Variants in FBXL2 observed in about 807,000 individuals in gnomAD.
FBXL2 encodes F-box/LRR-repeat protein 2.
In FBXL2, 38 loss-of-function variants were observed where a neutral mutation model predicts 69.2. The ratio of observed to expected loss-of-function variants is 0.55; its 90% CI spans 0.42 to 0.72. The LOEUF (loss-of-function observed/expected upper bound fraction) is 0.72, where lower values mean the gene tolerates loss of function less well. Ranked by LOEUF, FBXL2 falls within the 30% of genes least tolerant of loss-of-function variation. The pLI, the probability that FBXL2 is intolerant of heterozygous loss-of-function variation, is 0.00. For missense variants in FBXL2, 354 were observed against 520.3 expected, an observed-to-expected ratio of 0.68 and a Z score of 3.11; for synonymous variants, 192 against 201.3, an observed-to-expected ratio of 0.95 and a Z score of 0.39.
intron 13 of FBXL2, among the ~76,000 whole-genome samples, chr3:33,381,421 G>A (rs2043051146): frequency 6.6e-6 from 1 of 152,146 alleles, no homozygotes; most frequent in African/African-American, 2.4e-5. Context: ...AAGGCGGGTG[G>A]ATCACCTGAG....
chr3:33,394,820 T>TTTG (rs1243578064), intron 12 of FBXL2, among the ~76,000 whole-genome samples: 34 of 130,550 alleles, frequency 2.6e-4, no homozygotes, highest in Non-Finnish European at 5.2e-4. Flanking sequence ...TCCACTTGTT[T>TTTG]TTTTTTTTTT....
At position 33,371,166 on chromosome 3, in the gene FBXL2, A is replaced by ATT. The variant is rs56918562; in HGVS notation, c.291-1911_291-1910dup. Among the ~76,000 whole-genome samples the ATT allele has an allele frequency of 2.2e-3, 290 of 130,708 alleles. 2 individuals are homozygous for ATT. The highest frequency in any genetic ancestry group is 0.017 in the South Asian group (69 of 4,070). The allele number at this position is 130,708 out of a possible 152,430, so 85.7% of individuals were successfully genotyped here. On this transcript the variant is annotated intron_variant, in intron 5 of 14. Coordinates refer to ENST00000484457, the MANE Select transcript of FBXL2 (RefSeq NM_012157.5). ...TTTTATATCAGCCATTGTGGTTTTC[A>ATT]TTTTTTTTTTTTTTTTGAGATGGAG...
intron 1 of FBXL2, among the ~76,000 whole-genome samples, chr3:33,294,843 C>CA (rs372010327): frequency 0.059 from 5,346 of 91,078 alleles, 162 homozygotes; most frequent in African/African-American, 0.12. Context: ...ACCCTGTTTC[C>CA]AAAAAAAAAA....
intron 2 of FBXL2, among the ~76,000 whole-genome samples, chr3:33,329,125 AAAG>A (rs1446587693): frequency 6.6e-6 from 1 of 152,216 alleles, no homozygotes; most frequent in African/African-American, 2.4e-5. Context: ...ACATTTCTCA[AAAG>A]AAGAAATATA....
downstream of FBXL2, chr3:33,389,724 G>A (rs1399530966): frequency 6.5e-6 from 1 of 152,770 alleles, no homozygotes; most frequent in African/African-American, 2.4e-5. Context: ...TTTGCTTCAA[G>A]CCCATCTTCC....
intron 1 of FBXL2, among the ~76,000 whole-genome samples, chr3:33,288,418 G>A (rs1022176233): frequency 6.6e-6 from 1 of 152,184 alleles, no homozygotes; most frequent in Non-Finnish European, 1.5e-5. Flanking sequence ...AGATAAGGTG[G>A]TGAAAAGTAC....
At chr3:33,417,345 G>A in the FBXL2 span, among the ~76,000 whole-genome samples, 3 of 140,470 alleles carry the variant, frequency 2.1e-5, no homozygotes, top group East Asian at 4.3e-4. Flanking sequence ...CTGCCTCTAC[G>A]ATTTGCCCAC....
chr3:33,292,825 G>A (rs1478164615), intron 1 of FBXL2, among the ~76,000 whole-genome samples: 1 of 152,042 alleles, frequency 6.6e-6, no homozygotes, highest in Non-Finnish European at 1.5e-5. Flanking sequence ...CAGGTTAAAA[G>A]TGAGCTGGGT....
intron 12 of FBXL2, chr3:33,402,661 C>T: frequency 9.4e-6 from 5 of 530,002 alleles, no homozygotes; most frequent in Middle Eastern, 3.1e-4. Context: ...TGTCCTCTGC[C>T]ACCAAGATAC....
intron 1 of FBXL2, among the ~76,000 whole-genome samples, chr3:33,283,546 G>A (rs1203992681): frequency 6.6e-6 from 1 of 152,154 alleles, no homozygotes; most frequent in African/African-American, 2.4e-5. Context: ...TTGGTATCAG[G>A]ATGATGTTGG....
At chr3:33,421,300 A>AG in the FBXL2 span, among the ~76,000 whole-genome samples, 2 of 15,352 alleles carry the variant, frequency 1.3e-4, no homozygotes, top group African/African-American at 5.2e-4. Context: ...TTTTTCTTGC[A>AG]GGGGGCGGGG....
At chr3:33,393,583 T>C in intron 12 of FBXL2, 1 of 835,642 alleles carries the variant, frequency 1.2e-6, no homozygotes, top group Non-Finnish European at 1.7e-6. Context: ...ACATTTTAAA[T>C]GGGAATAAAC....
At chr3:33,320,773 C>G (rs1224564959) in intron 2 of FBXL2, among the ~76,000 whole-genome samples, 2 of 152,162 alleles carry the variant, frequency 1.3e-5, no homozygotes, top group South Asian at 2.1e-4. Context: ...GCCACCACAC[C>G]TAGCCAGGAA....
chr3:33,287,775 A>G (rs1205866566), intron 1 of FBXL2, among the ~76,000 whole-genome samples: 1 of 152,250 alleles, frequency 6.6e-6, no homozygotes, highest in African/African-American at 2.4e-5. Context: ...CTTAACCATT[A>G]CATTATGGCT....
intron 12 of FBXL2, among the ~76,000 whole-genome samples, chr3:33,394,894 T>G (rs2043914632): frequency 6.6e-6 from 1 of 151,860 alleles, no homozygotes; most frequent in South Asian, 2.1e-4. Context: ...CTATGGCTAT[T>G]TTAGCACTAC....
At chr3:33,420,155 A>G in the FBXL2 span, among the ~76,000 whole-genome samples, 1 of 152,188 alleles carries the variant, frequency 6.6e-6, no homozygotes, top group Admixed American at 6.5e-5. Flanking sequence ...CCTTATTTCT[A>G]AAGTCCTATT....
At chr3:33,294,423 G>A (rs1312436946) in intron 1 of FBXL2, among the ~76,000 whole-genome samples, 1 of 152,006 alleles carries the variant, frequency 6.6e-6, no homozygotes, top group Non-Finnish European at 1.5e-5. Context: ...TTAATCAATA[G>A]GTGAAAGAAA....
chr3:33,279,829 A>G (rs767342089), intron 1 of FBXL2, among the ~76,000 whole-genome samples: 1 of 152,174 alleles, frequency 6.6e-6, no homozygotes, highest in Non-Finnish European at 1.5e-5. Context: ...TGTGATGAAG[A>G]TACCTTTATC....
chr3:33,393,595 A>G (rs1575445898), intron 12 of FBXL2: 1 of 714,162 alleles, frequency 1.4e-6, no homozygotes, highest in East Asian at 3.2e-5. Context: ...GGAATAAACT[A>G]TTTCTTTCCC....
Sources: allele counts gnomAD v4.1 joint callset (sites outside exome capture counted in the v4.1 genomes callset), GRCh38; gene constraint gnomAD v4.1.1; transcripts MANE v1.5; gene names NCBI Gene and HGNC (gene_info 2026-07-23, HGNC 2026-07-21).